LAMA3: variants seen among roughly 807,000 people sequenced by gnomAD.
LAMA3 encodes laminin subunit alpha 3.
Under a neutral mutation model 402.0 loss-of-function variants are expected in LAMA3, and 281 were observed. The observed-to-expected ratio is 0.70, with a 90% CI of 0.63 to 0.77. The LOEUF is 0.77. Ranked by LOEUF, LAMA3 falls within the 30% of genes least tolerant of loss-of-function variation. LAMA3 has a pLI of 0.00. For synonymous variants in LAMA3, 1,431 were observed against 1,558.4 expected (o/e 0.92, Z 1.93); for missense variants, 3,840 against 4,215.5 (o/e 0.91, Z 2.47).
intron 21 of LAMA3, among the ~76,000 whole-genome samples, chr18:23,825,037 G>A (rs1476682661): frequency 1.3e-5 from 2 of 152,118 alleles, no homozygotes; most frequent in African/African-American, 2.4e-5. Context: ...TAGAAGACAA[G>A]CAGATATGGA....
rs116805187 is a variant in LAMA3, at chr18:23,776,448, A to G, written c.1405+525A>G. On this transcript the variant is annotated intron_variant, in intron 10 of 74. Coordinates refer to ENST00000313654, the MANE Select transcript of LAMA3 (RefSeq NM_198129.4). ...GAAACACTGTAGAGCATGAAACAGGAGAATCTGTGAAACCAGCTATGCGAA... is the reference window on the plus strand; with the variant it reads ...GAAACACTGTAGAGCATGAAACAGGGGAATCTGTGAAACCAGCTATGCGAA... Among the ~76,000 whole-genome samples the G allele has an allele frequency of 2.0e-3, 307 of 152,362 alleles. 2 individuals carry two copies. Among genetic ancestry groups the G allele is most frequent in the African/African-American group, 7.0e-3 (291 of 41,592 alleles).
Position 23,899,348 on chromosome 18 carries a change from T to C in LAMA3, c.5897T>C (p.Phe1966Ser). ...GGAAACAACGTGCCTTCAGGTGACT[T>C]TTCCAGAGAGTGGGCTGAAGCCCAG... is the stretch of plus-strand genomic sequence containing the variant. ...GEGNNVPSGD[F>S]SREWAEAQRM... The change falls in exon 47 of 75, where the codon TTT (phenylalanine) becomes TCT (serine). Residue 1966 changes from phenylalanine to serine, a missense_variant. Phe to Ser is a radical substitution (Grantham distance 155, BLOSUM62 -2). This residue lies in a region of LAMA3 where 891 missense variants were observed against 857.5 expected (regional missense o/e 1.04). Coordinates refer to ENST00000313654, the MANE Select transcript of LAMA3 (RefSeq NM_198129.4). The C allele has an allele frequency of 6.2e-7, 1 of 1,614,144 alleles. No homozygotes were observed. The highest frequency in any genetic ancestry group is 1.3e-5 in the African/African-American group (1 of 75,030).
intron 2 of LAMA3, among the ~76,000 whole-genome samples, chr18:23,737,541 G>C (rs1400118048): frequency 2.0e-5 from 3 of 152,222 alleles, no homozygotes; most frequent in African/African-American, 7.2e-5. Context: ...TGGAACTCAA[G>C]GGAAGTTCTG....
intron 2 of LAMA3, among the ~76,000 whole-genome samples, chr18:23,744,339 G>A (rs2061611306): frequency 1.3e-5 from 2 of 152,206 alleles, no homozygotes; most frequent in South Asian, 4.2e-4. Context: ...ACATACATTG[G>A]GGAACCTCAG....
Position 23,714,001 on chromosome 18 carries a change from T to G in LAMA3, c.376T>G (p.Trp126Gly). The G allele has an allele frequency of 6.2e-7, 1 of 1,614,040 alleles. No individual in the cohort carries two copies. Among genetic ancestry groups the G allele is most frequent in the Non-Finnish European group, 8.5e-7 (1 of 1,179,930 alleles). ...CAATGCCATCGATGGATCTGAACGT[T>G]GGTGGCAAAGCCCTCCCCTGTCCTC... Reference protein sequence around the residue: ...VTNAIDGSERWWQSPPLSSGT... With the variant: ...VTNAIDGSERGWQSPPLSSGT... Residue 126 changes from tryptophan to glycine, a missense_variant, in exon 2 of 75, where the codon TGG becomes GGG. Around this residue, in one of 3 missense-constraint regions of LAMA3, gnomAD observed 2,109 missense variants for 2,376.0 expected, o/e 0.89. Coordinates refer to ENST00000313654, the MANE Select transcript of LAMA3 (RefSeq NM_198129.4).
Position 23,933,849 on chromosome 18 carries a change from G to A in LAMA3, c.8776G>A (p.Gly2926Ser). 2 of 1,613,970 alleles carry A rather than the reference G, an allele frequency of 1.2e-6. No individual in the cohort carries two copies. Among genetic ancestry groups the A allele is most frequent in the Non-Finnish European group, 1.7e-6 (2 of 1,179,836 alleles). The change falls in exon 67 of 75, where the codon GGC becomes AGC. Residue 2926 changes from glycine (G) to serine (S), a missense_variant. Transcript: ENST00000313654. ...NSLKRDVSLG[G>S]CSLNKPPFLM... Reference sequence around the variant, plus strand: ...TCTCAAGAGAGATGTGTCCCTGGGAGGCTGCAGTTTAAACAAACCACCTTT... The same window carrying A: ...TCTCAAGAGAGATGTGTCCCTGGGAAGCTGCAGTTTAAACAAACCACCTTT...
Position 23,787,956 on chromosome 18 carries a change from G to A in LAMA3, c.1603+3799G>A, listed in dbSNP as rs187105843. ...TGACTGATTTTAACAGAAAGTATAC[G>A]AACTGTATATACAAATACATACATA... On this transcript the variant is annotated intron_variant, in intron 12 of 74. Transcript: ENST00000313654. Among the ~76,000 whole-genome samples, 28 of 152,014 alleles carry A rather than the reference G, an allele frequency of 1.8e-4. No individual in the cohort carries two copies. The South Asian group carries it at 2.5e-3, about 14-fold the overall frequency.
intron 25 of LAMA3, among the ~76,000 whole-genome samples, chr18:23,837,692 G>A (rs2063615218): frequency 6.7e-6 from 1 of 150,170 alleles, no homozygotes; most frequent in Admixed American, 6.7e-5. Flanking sequence ...CTGATAAACA[G>A]AGCCAGTGGG....
chr18:23,948,656 G>A (rs750919165), intron 70 of LAMA3, among the ~76,000 whole-genome samples: 1 of 150,714 alleles, frequency 6.6e-6, no homozygotes, highest in Non-Finnish European at 1.5e-5. Flanking sequence ...TGCAACCTCC[G>A]CCTCCTGAGT....
intron 32 of LAMA3, among the ~76,000 whole-genome samples, chr18:23,856,857 C>A (rs1219125314): frequency 6.6e-6 from 1 of 152,198 alleles, no homozygotes; most frequent in African/African-American, 2.4e-5. Context: ...GGGAGCCCAT[C>A]CCTCCTCCCC....
intron 66 of LAMA3, chr18:23,932,532 T>C (rs1280731690): frequency 6.8e-6 from 3 of 441,012 alleles, no homozygotes; most frequent in African/African-American, 2.0e-5. Context: ...AAAGACCTAA[T>C]TAAAATTAAC....
chr18:23,901,406 G>A, intron 48 of LAMA3, 83 bp downstream of exon 48: 3 of 1,173,186 alleles, frequency 2.6e-6, no homozygotes, highest in Non-Finnish European at 3.8e-6. Flanking sequence ...AAGTGGCATA[G>A]CCAGGCACCT....
rs1367961072 is a variant in LAMA3 at position 23,921,304 on chromosome 18, A to T, written c.8044-148A>T. On this transcript the variant is annotated intron_variant, in intron 61 of 74. Transcript: ENST00000313654. Reference sequence around the variant, plus strand: ...CAAAATGTTTTAGTATCATATTTTTATCCAAAAATGCTACTGCTCAGAGCC... The same window carrying T: ...CAAAATGTTTTAGTATCATATTTTTTTCCAAAAATGCTACTGCTCAGAGCC... 4 of 921,440 alleles carry T rather than the reference A, an allele frequency of 4.3e-6. No individual in the cohort carries two copies. The African/African-American group carries it at 6.7e-5, about 15-fold the overall frequency. 57.1% of individuals were successfully genotyped at this position (921,440 alleles called of 1,614,324 possible). A position where few individuals can be genotyped will look rare whatever the true frequency, so the allele number is the denominator to read the frequency against.
intron 2 of LAMA3, among the ~76,000 whole-genome samples, chr18:23,732,154 C>T (rs2061405097): frequency 6.6e-6 from 1 of 152,104 alleles, no homozygotes; most frequent in South Asian, 2.1e-4. Context: ...GCCGGTAGAT[C>T]CTGCATTTCT....
At chr18:23,923,236 G>A (rs939075127) in intron 62 of LAMA3, among the ~76,000 whole-genome samples, 11 of 152,204 alleles carry the variant, frequency 7.2e-5, no homozygotes, top group African/African-American at 2.7e-4. Context: ...GACTTCAGCA[G>A]AGAAAGGCCA....
rs552923242 is a variant in LAMA3, at chr18:23,878,917, A to T, written c.5112+2510A>T. 5.9e-5 allele frequency among the ~76,000 whole-genome samples: 9 copies of T among 151,980 alleles called. No homozygotes were observed. In the East Asian group the frequency reaches 1.7e-3, roughly 30 times the overall value. On this transcript the variant is annotated intron_variant, in intron 39 of 74. Transcript: ENST00000313654. ...GGACCTGCGATGATGGCCTCCTCCTATGTGCTGAGACCCCCATCTCTCCCT... is the reference window on the plus strand; with the variant it reads ...GGACCTGCGATGATGGCCTCCTCCTTTGTGCTGAGACCCCCATCTCTCCCT...
chr18:23,805,646 A>AC (rs2062948788), intron 12 of LAMA3, among the ~76,000 whole-genome samples: 1 of 151,362 alleles, frequency 6.6e-6, no homozygotes, highest in South Asian at 2.1e-4. Context: ...TGATCACCTG[A>AC]CCCCCATAAA....
intron 1 of LAMA3, among the ~76,000 whole-genome samples, chr18:23,694,779 T>C (rs1433599426): frequency 6.6e-6 from 1 of 152,222 alleles, no homozygotes; most frequent in Non-Finnish European, 1.5e-5. Context: ...TCCATTATCA[T>C]GTCTGTCTCC....
intron 42 of LAMA3, among the ~76,000 whole-genome samples, chr18:23,891,958 A>T (rs993366362): frequency 6.6e-6 from 1 of 152,248 alleles, no homozygotes; most frequent in African/African-American, 2.4e-5. Context: ...ACTGTGTCAC[A>T]CGAGGAAGGA....
Sources: gnomAD v4.1 joint callset for allele counts (sites outside exome capture counted in the v4.1 genomes callset) on GRCh38, gnomAD v4.1.1 for gene constraint, gnomAD v4.1.1 regional missense constraint, MANE v1.5 for transcripts, NCBI Gene and HGNC (gene_info 2026-07-23, HGNC 2026-07-21) for gene names.